GBF1: variants seen among roughly 807,000 people sequenced by gnomAD.
GBF1 encodes golgi brefeldin A resistant guanine nucleotide exchange factor 1.
A neutral mutation model predicts 210.5 loss-of-function variants in GBF1; 114 were observed. The observed-to-expected ratio is 0.54, with a 90% CI of 0.47 to 0.63. The LOEUF (loss-of-function observed/expected upper bound fraction) is 0.63, where lower values mean the gene tolerates loss of function less well. Ranked by LOEUF, GBF1 falls within the 30% of genes least tolerant of loss-of-function variation. The pLI is 0.00. For missense variants in GBF1, 1,851 were observed against 2,357.7 expected (o/e 0.79, Z 4.45); for synonymous variants, 850 against 889.2 (o/e 0.96, Z 0.78).
At chr10:102,301,889 G>A (rs1330501696) in intron 3 of GBF1, among the ~76,000 whole-genome samples, 1 of 152,014 alleles carries the variant, frequency 6.6e-6, no homozygotes, top group African/African-American at 2.4e-5. Flanking sequence ...CTGCAATCTC[G>A]GCACTTTGGG....
At chr10:102,332,206 T>G (rs914922806) in intron 3 of GBF1, among the ~76,000 whole-genome samples, 3 of 152,038 alleles carry the variant, frequency 2.0e-5, no homozygotes, top group African/African-American at 7.2e-5. Context: ...AATGCCTAAC[T>G]CAATATAAAT....
chr10:102,361,476 C>G (rs1427165864), intron 13 of GBF1, among the ~76,000 whole-genome samples: 5 of 152,160 alleles, frequency 3.3e-5, no homozygotes, highest in South Asian at 2.1e-4. Context: ...GTTCACATAG[C>G]ACAAAAGGGC....
chr10:102,358,485 G>A lies in GBF1; in HGVS notation c.788-21G>A, dbSNP rs759928680. 4.5e-5 allele frequency: 70 copies of A among 1,556,918 alleles called. No individual in the cohort carries two copies. The Admixed American group carries it at 7.7e-4, about 17-fold the overall frequency. ...ACAGCCTCTTTCTTCTCCTTCAAGC[G>A]TCACATACTTTTCTTGGCAGGTGGC... On this transcript the variant is annotated intron_variant, in intron 9 of 39. Coordinates refer to ENST00000369983, the MANE Select transcript of GBF1 (RefSeq NM_001377137.1).
intron 17 of GBF1, among the ~76,000 whole-genome samples, chr10:102,364,513 CAT>C (rs1444032583): frequency 6.6e-6 from 1 of 151,152 alleles, no homozygotes; most frequent in East Asian, 2.0e-4. Flanking sequence ...CGTGAGCCAC[CAT>C]GTCTGGCCTG....
At chr10:102,283,904 A>G (rs1241993290) in intron 3 of GBF1, among the ~76,000 whole-genome samples, 1 of 152,194 alleles carries the variant, frequency 6.6e-6, no homozygotes, top group Non-Finnish European at 1.5e-5. Context: ...AAGTCTCAAT[A>G]GATGTTAAGT....
At chr10:102,289,104 A>C (rs1351009215) in intron 3 of GBF1, among the ~76,000 whole-genome samples, 3 of 123,932 alleles carry the variant, frequency 2.4e-5, no homozygotes, top group Non-Finnish European at 5.4e-5. Flanking sequence ...ACTCTGTCTC[A>C]GAAAAAAAAA....
chr10:102,368,014 C>A (rs1372728134), intron 21 of GBF1, among the ~76,000 whole-genome samples: 2 of 152,216 alleles, frequency 1.3e-5, no homozygotes, highest in Non-Finnish European at 2.9e-5. Flanking sequence ...CTAAAGGCCT[C>A]ACTTACAGAT....
chr10:102,301,391 A>G (rs1434052524), intron 3 of GBF1, among the ~76,000 whole-genome samples: 1 of 152,230 alleles, frequency 6.6e-6, no homozygotes, highest in Non-Finnish European at 1.5e-5. Context: ...TTCTACACAG[A>G]CACAGCAACA....
At chr10:102,234,915 G>C in the GBF1 span, among the ~76,000 whole-genome samples, 1 of 152,158 alleles carries the variant, frequency 6.6e-6, no homozygotes, top group South Asian at 2.1e-4. Context: ...ATATGGGCGA[G>C]GAAAAGCCGA....
intron 3 of GBF1, among the ~76,000 whole-genome samples, chr10:102,266,326 T>G (rs543891739): frequency 1.3e-5 from 2 of 152,204 alleles, no homozygotes; most frequent in African/African-American, 4.8e-5. Flanking sequence ...CCTTTTCTTT[T>G]GGGGATTCTC....
intron 3 of GBF1, among the ~76,000 whole-genome samples, chr10:102,306,738 A>G (rs1346408490): frequency 2.0e-5 from 3 of 152,254 alleles, no homozygotes; most frequent in Non-Finnish European, 4.4e-5. Flanking sequence ...CTGTCTCTTT[A>G]GATAGTTACT....
chr10:102,313,999 C>T (rs868651858), intron 3 of GBF1, among the ~76,000 whole-genome samples: 102 of 151,734 alleles, frequency 6.7e-4, no homozygotes, highest in African/African-American at 2.2e-3. Flanking sequence ...GTGATGAGAG[C>T]GTATGTCAGG....
the GBF1 span, among the ~76,000 whole-genome samples, chr10:102,234,784 C>T: frequency 6.6e-6 from 1 of 152,312 alleles, no homozygotes; most frequent in East Asian, 1.9e-4. Context: ...CCCTTGCCAC[C>T]TAGCCTTCCA....
At chr10:102,318,303 T>G (rs1363116729) in intron 3 of GBF1, among the ~76,000 whole-genome samples, 5 of 151,234 alleles carry the variant, frequency 3.3e-5, no homozygotes, top group African/African-American at 1.2e-4. Context: ...TCTCCTGCCT[T>G]AGCCCCCCAA....
At chr10:102,317,102 T>C (rs929569147) in intron 3 of GBF1, among the ~76,000 whole-genome samples, 6 of 151,178 alleles carry the variant, frequency 4.0e-5, no homozygotes, top group South Asian at 2.1e-4. Flanking sequence ...CAGTGCCCCC[T>C]TTTTTTTTCT....
At chr10:102,236,079 A>G in the GBF1 span, among the ~76,000 whole-genome samples, 1 of 152,204 alleles carries the variant, frequency 6.6e-6, no homozygotes, top group East Asian at 1.9e-4. Context: ...CAATAGAGAG[A>G]TGGAAGGGTG....
At chr10:102,277,410 CA>C (rs1224728079) in intron 3 of GBF1, among the ~76,000 whole-genome samples, 1 of 112,614 alleles carries the variant, frequency 8.9e-6, no homozygotes, top group Admixed American at 9.4e-5. Context: ...TTTTTTTTTT[CA>C]GACAGTCTCG....
intron 23 of GBF1, among the ~76,000 whole-genome samples, 158 bp from the exon 24 acceptor site, chr10:102,369,053 A>G (rs192388071): frequency 3.3e-5 from 5 of 152,264 alleles, no homozygotes; most frequent in African/African-American, 1.2e-4. Flanking sequence ...AGGAGTGGGG[A>G]AGGCCTTAAC....
chr10:102,376,182 C>T, intron 30 of GBF1, 90 bp from the exon 31 acceptor site: 1 of 978,672 alleles, frequency 1.0e-6, no homozygotes, highest in South Asian at 1.5e-5. Flanking sequence ...GAGGCCAGGC[C>T]TCAGCATCTT....
Sources: gnomAD v4.1 joint callset for allele counts (sites outside exome capture counted in the v4.1 genomes callset) on GRCh38, gnomAD v4.1.1 for gene constraint, MANE v1.5 for transcripts, NCBI Gene and HGNC (gene_info 2026-07-23, HGNC 2026-07-21) for gene names.